The following GPRC6A variants were observed in gnomAD, a reference collection of about 807,000 sequenced individuals.
GPRC6A encodes G protein-coupled receptor class C group 6 member A.
A neutral mutation model predicts 47.0 loss-of-function variants in GPRC6A; 54 were observed. The observed-to-expected ratio is 1.15, with a 90% CI of 0.92 to 1.44. The LOEUF (loss-of-function observed/expected upper bound fraction) is 1.44. GPRC6A is among the 40% of genes most tolerant of loss of function. The probability of loss-of-function intolerance (pLI) is 0.00; values close to 1 mark genes in which losing one functional copy is unlikely to be tolerated. For missense variants in GPRC6A, 1,112 were observed against 1,105.5 expected, an observed-to-expected ratio of 1.01 and a Z score of -0.08; for synonymous variants, 347 against 377.1, an observed-to-expected ratio of 0.92 and a Z score of 0.93.
intron 1 of GPRC6A, among the ~76,000 whole-genome samples, chr6:116,814,734 C>A (rs562414156): frequency 6.6e-6 from 1 of 151,384 alleles, no homozygotes; most frequent in Admixed American, 6.6e-5. Context: ...CACATGTACC[C>A]TAGAAATTAA....
At position 116,806,996 on chromosome 6, in the gene GPRC6A, C is replaced by T. The variant is rs61745784; in HGVS notation, c.709G>A (p.Val237Met). The T allele has an allele frequency of 4.3e-3, 6,875 of 1,613,554 alleles. 20 individuals carry two copies. Among genetic ancestry groups the T allele is most frequent in the Non-Finnish European group, 4.8e-3 (5,713 of 1,179,688 alleles). ...TFIIQAEANNVCIAFKEVLPA... is the reference protein window; with the variant it reads ...TFIIQAEANNMCIAFKEVLPA... ...AGAACCTCTTTGAAGGCTATGCACA[C>T]GTTATTTGCTTCAGCCTGAATTATA... Residue 237 changes from valine to methionine, a missense_variant, in exon 3 of 6, where the codon GTG becomes ATG. Coordinates refer to ENST00000310357, the MANE Select transcript of GPRC6A (RefSeq NM_148963.4).
Position 116,793,435 on chromosome 6 carries a change from A to C in GPRC6A, c.1673-185T>G, listed in dbSNP as rs185273071. ...TCAAAGAAAGTGAGAGAGAAAGGGTAAAAGTGAGGAAAAAGGAAAAGAAAG... is the reference window on the plus strand; with the variant it reads ...TCAAAGAAAGTGAGAGAGAAAGGGTCAAAGTGAGGAAAAAGGAAAAGAAAG... On this transcript the variant is annotated intron_variant, in intron 5 of 5. Coordinates refer to ENST00000310357, the MANE Select transcript of GPRC6A (RefSeq NM_148963.4). Among the ~76,000 whole-genome samples the C allele has an allele frequency of 8.6e-4, 131 of 152,296 alleles. No homozygotes were observed. Among genetic ancestry groups the C allele is most frequent in the African/African-American group, 3.1e-3 (128 of 41,570 alleles).
Position 116,806,833 on chromosome 6 carries a change from A to G in GPRC6A, c.872T>C (p.Ile291Thr). The G allele has an allele frequency of 1.9e-6, 3 of 1,613,476 alleles. No individual in the cohort carries two copies. Among genetic ancestry groups the G allele is most frequent in the Non-Finnish European group, 2.5e-6 (3 of 1,179,622 alleles). ...CCACATCTTATTTATATTCATTTCA[A>G]TGGCTTTATTGAAGAGATCAAAAAC... ...FHVFDLFNKA[I>T]EMNINKMWIA... is the part of the protein sequence containing the mutation. Residue 291 changes from isoleucine (I) to threonine (T), a missense_variant, in exon 3 of 6, where the codon ATT becomes ACT. Coordinates refer to ENST00000310357, the MANE Select transcript of GPRC6A (RefSeq NM_148963.4).
At position 116,792,177 on chromosome 6, in the gene GPRC6A, T is replaced by C; in HGVS notation, c.2746A>G (p.Lys916Glu). 1 of 1,613,928 alleles carries C rather than the reference T, an allele frequency of 6.2e-7. No homozygotes were observed. The highest frequency in any genetic ancestry group is 2.2e-5 in the East Asian group (1 of 44,886). The change falls in exon 6 of 6, where the codon AAA becomes GAA. Residue 916 changes from lysine to glutamate, a missense_variant. Lys to Glu is a moderately conservative substitution (Grantham distance 56). Coordinates refer to ENST00000310357, the MANE Select transcript of GPRC6A (RefSeq NM_148963.4). ...ICRENATSVS[K>E]TLPRKRMSSI Reference sequence around the variant, plus strand: ...GACATTCTTTTTCGAGGCAAAGTTTTAGATACACTTGTGGCATTTTCCCTG... The same window carrying C: ...GACATTCTTTTTCGAGGCAAAGTTTCAGATACACTTGTGGCATTTTCCCTG...
rs1296721355 is a variant in GPRC6A, at chr6:116,792,879, G to A, written c.2044C>T (p.Leu682=). 6.2e-7 allele frequency: 1 copy of A among 1,613,978 alleles called. No individual in the cohort carries two copies. Among genetic ancestry groups the A allele is most frequent in the Non-Finnish European group, 8.5e-7 (1 of 1,179,998 alleles). ...AAGCTGAAGGCTAGCAAAATTTTCA[G>A]AGACTTCGTCAAAATGCAGGAGATG... ...LCISCILTKS[L]KILLAFSFDP... The change falls in exon 6 of 6, where the codon CTG becomes TTG. Residue 682 remains leucine (L), a synonymous_variant. Transcript: ENST00000310357.
At chr6:116,814,319 G>A (rs1046929232) in intron 1 of GPRC6A, among the ~76,000 whole-genome samples, 14 of 152,036 alleles carry the variant, frequency 9.2e-5, no homozygotes, top group African/African-American at 3.1e-4. Flanking sequence ...GTTTATTGTG[G>A]CACTATTCAC....
chr6:116,809,738 T>C (rs1425343996), intron 1 of GPRC6A, 121 bp from the exon 2 acceptor site: 1 of 625,882 alleles, frequency 1.6e-6, no homozygotes, highest in Non-Finnish European at 2.7e-6. Context: ...ATCTCTTAAA[T>C]GATCTAAATT....
chr6:116,816,017 G>A (rs753520026), intron 1 of GPRC6A, among the ~76,000 whole-genome samples: 4 of 152,206 alleles, frequency 2.6e-5, no homozygotes, highest in Non-Finnish European at 5.9e-5. Context: ...AAAGGGGGGC[G>A]TTAGCACCTC....
intron 3 of GPRC6A, among the ~76,000 whole-genome samples, chr6:116,804,505 G>C (rs1772778702): frequency 6.6e-6 from 1 of 151,994 alleles, no homozygotes; most frequent in Non-Finnish European, 1.5e-5. Context: ...ATAACTCTTT[G>C]TATTGTTTGT....
At chr6:116,817,006 CG>C (rs1380798357) in intron 1 of GPRC6A, among the ~76,000 whole-genome samples, 3 of 152,040 alleles carry the variant, frequency 2.0e-5, no homozygotes, top group East Asian at 1.9e-4. Flanking sequence ...ACAAAGCAGC[CG>C]GGAAGCTTGA....
chr6:116,828,034 G>C (rs772280666), intron 1 of GPRC6A, among the ~76,000 whole-genome samples: 4 of 152,110 alleles, frequency 2.6e-5, no homozygotes, highest in Non-Finnish European at 5.9e-5. Flanking sequence ...AGCTGATGCT[G>C]CCTGTGTCCT....
intron 1 of GPRC6A, among the ~76,000 whole-genome samples, chr6:116,817,728 A>C (rs1220641607): frequency 5.3e-5 from 8 of 152,204 alleles, no homozygotes; most frequent in Non-Finnish European, 1.0e-4. Flanking sequence ...GAACTACGTG[A>C]AGAATGCAGA....
chr6:116,826,091 A>G (rs1398712596), intron 1 of GPRC6A, among the ~76,000 whole-genome samples: 1 of 151,938 alleles, frequency 6.6e-6, no homozygotes, highest in Non-Finnish European at 1.5e-5. Context: ...CAAAACTATT[A>G]GAGGAAAACA....
chr6:116,798,025 A>C (rs1163909153), intron 4 of GPRC6A, among the ~76,000 whole-genome samples: 2 of 152,228 alleles, frequency 1.3e-5, no homozygotes, highest in East Asian at 3.8e-4. Context: ...TTGAGTGCCT[A>C]TCTATATGTT....
rs771437816 is a variant in GPRC6A, at chr6:116,806,741, T to A, written c.964A>T (p.Lys322Ter). ...CTTCTAAAGGCAAACCCTACAACTT[T>A]GCCAATCTTTTTAACATTAGGAATG... Reference protein sequence around the residue: ...TTIPNVKKIGKVVGFAFRRGN... With the variant: ...TTIPNVKKIG Residue 322 changes from lysine to a stop codon, truncating the protein, a stop_gained, in exon 3 of 6, where the codon AAA (lysine) becomes TAA (stop). Coordinates refer to ENST00000310357, the MANE Select transcript of GPRC6A (RefSeq NM_148963.4). LOFTEE classifies it high-confidence loss of function. The A allele has an allele frequency of 6.2e-7, 1 of 1,613,674 alleles. No individual in the cohort carries two copies. The highest frequency in any genetic ancestry group is 8.5e-7 in the Non-Finnish European group (1 of 1,179,748).
chr6:116,802,895 C>A (rs934225841), intron 3 of GPRC6A, among the ~76,000 whole-genome samples: 6 of 152,110 alleles, frequency 3.9e-5, no homozygotes, highest in African/African-American at 1.4e-4. Flanking sequence ...TATATCAGTA[C>A]CTAGAACCAT....
In GPRC6A at chr6:116,792,576, A is replaced by G; in HGVS notation, c.2347T>C (p.Phe783Leu). Residue 783 changes from phenylalanine (F) to leucine (L), a missense_variant, in exon 6 of 6, where the codon TTC becomes CTC. Phe to Leu is a conservative substitution (Grantham distance 22, BLOSUM62 0). Transcript: ENST00000310357. ...GKYENYNEAK[F>L]ITFGMLIYFI... ...TAAATGAGCATGCCAAATGTAATGA[A>G]TTTGGCTTCATTGTAATTCTCATAT... The G allele has an allele frequency of 1.2e-6, 2 of 1,609,624 alleles. No homozygotes were observed. Among genetic ancestry groups the G allele is most frequent in the Non-Finnish European group, 1.7e-6 (2 of 1,178,568 alleles).
chr6:116,809,502 T>C lies in GPRC6A; in HGVS notation c.310A>G (p.Thr104Ala). ...GCTGCCATTGCCACTGTGACTTCTG[T>C]ACAAGTGTCATAGATTTCATACCCC... ...KLGYEIYDTC[T>A]EVTVAMAATL... Residue 104 changes from threonine to alanine, a missense_variant, in exon 2 of 6, where the codon ACA (threonine) becomes GCA (alanine). Thr to Ala is a moderately conservative substitution (Grantham distance 58). Transcript: ENST00000310357. 3 of 1,613,666 alleles carry C rather than the reference T, an allele frequency of 1.9e-6. No individual in the cohort carries two copies. Among genetic ancestry groups the C allele is most frequent in the Non-Finnish European group, 2.5e-6 (3 of 1,179,756 alleles).
chr6:116,805,207 T>C lies in GPRC6A; in HGVS notation c.1335+1163A>G, dbSNP rs190244035. Among the ~76,000 whole-genome samples the C allele has an allele frequency of 9.2e-5, 14 of 152,098 alleles. No individual in the cohort carries two copies. In the East Asian group the frequency reaches 2.3e-3, roughly 25 times the overall value. On this transcript the variant is annotated intron_variant, in intron 3 of 5. Transcript: ENST00000310357. ...ATTGAGAAAAGGTCCTAATCTCTAGTTTTACCTCCTTATTAGATTTTTGGC... is the reference window on the plus strand; with the variant it reads ...ATTGAGAAAAGGTCCTAATCTCTAGCTTTACCTCCTTATTAGATTTTTGGC...
Sources: gnomAD v4.1 joint callset for allele counts (sites outside exome capture counted in the v4.1 genomes callset) on GRCh38, gnomAD v4.1.1 for gene constraint, MANE v1.5 for transcripts, NCBI Gene and HGNC (gene_info 2026-07-23, HGNC 2026-07-21) for gene names.